Variants in NAA11 observed in about 807,000 individuals in gnomAD.
NAA11 encodes N-alpha-acetyltransferase 11.
NAA11 carries 15 observed loss-of-function variants against 16.1 expected under a neutral mutation model. The ratio of observed to expected loss-of-function variants is 0.93; its 90% CI spans 0.62 to 1.44. The LOEUF is 1.44. NAA11 is among the 40% of genes most tolerant of loss of function. NAA11 has a pLI of 0.00. For missense variants in NAA11, 298 were observed against 291.3 expected (o/e 1.02, Z -0.17); for synonymous variants, 122 against 112.4 (o/e 1.09, Z -0.54).
At chr4:79,264,965 A>T (rs1722312626) in intron 2 of NAA11, among the ~76,000 whole-genome samples, 1 of 152,122 alleles carries the variant, frequency 6.6e-6, no homozygotes, top group South Asian at 2.1e-4. Context: ...TTGCCTACTC[A>T]TGTTCTCTGT....
At chr4:79,231,727 A>T (rs1377745176) in intron 2 of NAA11, among the ~76,000 whole-genome samples, 1 of 151,842 alleles carries the variant, frequency 6.6e-6, no homozygotes, top group South Asian at 2.1e-4. Context: ...TATATGTTTT[A>T]TTATTGTCAA....
intron 1 of NAA11, among the ~76,000 whole-genome samples, chr4:79,301,982 A>T (rs1407408425): frequency 1.6e-4 from 24 of 152,214 alleles, no homozygotes; most frequent in Admixed American, 1.6e-3. Context: ...CTAGAGAAAA[A>T]TAAAAGACTG....
chr4:79,220,228 G>A, the NAA11 span, among the ~76,000 whole-genome samples: 3 of 152,178 alleles, frequency 2.0e-5, no homozygotes, highest in Non-Finnish European at 4.4e-5. Flanking sequence ...TAGTAGCCAA[G>A]ATTACAGGCA....
At chr4:79,202,623 T>TTATATATATATATATATA in the NAA11 span, among the ~76,000 whole-genome samples, 1,481 of 52,430 alleles carry the variant, frequency 0.028, 180 homozygotes, top group South Asian at 0.062. Context: ...ATATATAGTT[T>TTATATATATATATATATA]TATATATATA....
At chr4:79,200,146 A>G in the NAA11 span, among the ~76,000 whole-genome samples, 1 of 151,886 alleles carries the variant, frequency 6.6e-6, no homozygotes, top group Non-Finnish European at 1.5e-5. Flanking sequence ...TGGCCCAGAC[A>G]TTTACTAGTT....
chr4:79,275,963 C>T (rs1032004151), intron 2 of NAA11, among the ~76,000 whole-genome samples: 1 of 152,058 alleles, frequency 6.6e-6, no homozygotes, highest in Admixed American at 6.6e-5. Flanking sequence ...CAAACCAGTG[C>T]TTAATCACCT....
chr4:79,175,196 T>C, the NAA11 span, among the ~76,000 whole-genome samples: 2 of 152,280 alleles, frequency 1.3e-5, no homozygotes, highest in East Asian at 3.9e-4. Flanking sequence ...ACCCCAAGCA[T>C]GGTCATTGTA....
chr4:79,231,696 A>AG (rs1287276473), intron 2 of NAA11, among the ~76,000 whole-genome samples: 3 of 151,922 alleles, frequency 2.0e-5, no homozygotes, highest in Non-Finnish European at 4.4e-5. Flanking sequence ...GAGATACAGT[A>AG]GGGAGACAAA....
the NAA11 span, among the ~76,000 whole-genome samples, chr4:79,178,392 T>C: frequency 2.0e-5 from 3 of 152,330 alleles, no homozygotes; most frequent in African/African-American, 4.8e-5. Context: ...AATTACTAAA[T>C]CAGTTACTGG....
At chr4:79,268,647 G>A (rs538294123) in intron 2 of NAA11, among the ~76,000 whole-genome samples, 75 of 152,144 alleles carry the variant, frequency 4.9e-4, no homozygotes, top group African/African-American at 1.8e-3. Context: ...GACTGCATAA[G>A]GAATCCTTTC....
chr4:79,275,107 T>C (rs1166334650), intron 2 of NAA11, among the ~76,000 whole-genome samples: 1 of 152,036 alleles, frequency 6.6e-6, no homozygotes, highest in Admixed American at 6.6e-5. Flanking sequence ...ATCTGTTAAG[T>C]AACCATATTC....
the NAA11 span, among the ~76,000 whole-genome samples, chr4:79,218,396 A>G: frequency 1.3e-5 from 2 of 151,794 alleles, no homozygotes; most frequent in African/African-American, 4.8e-5. Context: ...TATGGTGACT[A>G]TATATTTAGC....
intron 2 of NAA11, among the ~76,000 whole-genome samples, chr4:79,283,989 A>AATGT (rs1171920843): frequency 6.6e-6 from 1 of 151,930 alleles, no homozygotes; most frequent in Admixed American, 6.6e-5. Context: ...TGAATGAATG[A>AATGT]ATGAATGAAG....
chr4:79,297,826 G>C (rs1055618406), intron 1 of NAA11, among the ~76,000 whole-genome samples: 4 of 152,180 alleles, frequency 2.6e-5, no homozygotes, highest in Non-Finnish European at 5.9e-5. Flanking sequence ...TGTGTGGAAG[G>C]GGGTGGGTCC....
At chr4:79,294,432 T>C (rs1413075235) in intron 1 of NAA11, among the ~76,000 whole-genome samples, 1 of 152,204 alleles carries the variant, frequency 6.6e-6, no homozygotes, top group African/African-American at 2.4e-5. Flanking sequence ...AAATTGAAGT[T>C]TATATACACA....
the NAA11 span, among the ~76,000 whole-genome samples, chr4:79,208,569 T>G: frequency 9.9e-5 from 15 of 152,172 alleles, no homozygotes; most frequent in Admixed American, 9.8e-4. Flanking sequence ...GCATAGATGA[T>G]TACTGTGCAT....
At chr4:79,225,189 G>GATATTAAAA (rs1721282970), downstream of NAA11, among the ~76,000 whole-genome samples, 11 of 152,028 alleles carry the variant, frequency 7.2e-5, no homozygotes, top group South Asian at 2.3e-3. Flanking sequence ...CTCAATGTGG[G>GATATTAAAA]GTAGATGGAA....
At chr4:79,280,499 G>A (rs573220168) in intron 2 of NAA11, among the ~76,000 whole-genome samples, 1 of 152,114 alleles carries the variant, frequency 6.6e-6, no homozygotes, top group Non-Finnish European at 1.5e-5. Context: ...TACTTTGGTT[G>A]TTATCCTTTC....
chr4:79,239,141 G>A (rs1382757354), intron 2 of NAA11, among the ~76,000 whole-genome samples: 1 of 152,164 alleles, frequency 6.6e-6, no homozygotes, highest in African/African-American at 2.4e-5. Context: ...GGCAAGGCTT[G>A]GGAGTCAGCT....
Sources: allele counts gnomAD v4.1 joint callset (sites outside exome capture counted in the v4.1 genomes callset), GRCh38; gene constraint gnomAD v4.1.1; transcripts MANE v1.5; gene names NCBI Gene and HGNC (gene_info 2026-07-23, HGNC 2026-07-21).